The following STX8 variants were observed in gnomAD, a reference collection of about 807,000 sequenced individuals.
STX8 encodes the protein syntaxin 8.
STX8 carries 23 observed loss-of-function variants against 37.5 expected under a neutral mutation model. That is an observed-to-expected ratio of 0.61 (90% CI 0.44 to 0.87). STX8 has a LOEUF of 0.87. STX8 is among the 40% of genes least tolerant of loss of function. STX8 has a pLI of 0.00. For missense variants in STX8, 313 were observed against 284.7 expected, an observed-to-expected ratio of 1.10 and a Z score of -0.71; for synonymous variants, 115 against 99.1, an observed-to-expected ratio of 1.16 and a Z score of -0.95.
intron 7 of STX8, among the ~76,000 whole-genome samples, chr17:9,306,752 G>T (rs955000203): frequency 6.6e-6 from 1 of 151,966 alleles, no homozygotes; most frequent in Non-Finnish European, 1.5e-5. Flanking sequence ...GCAACCAAGC[G>T]AGACTCTGTC....
chr17:9,390,303 CCT>C, intron 6 of STX8, among the ~76,000 whole-genome samples: 1 of 151,944 alleles, frequency 6.6e-6, no homozygotes, highest in East Asian at 1.9e-4. Context: ...GGGCGGATCA[CCT>C]GAGATCAGGA....
intron 7 of STX8, among the ~76,000 whole-genome samples, chr17:9,257,897 G>A (rs916724874): frequency 1.3e-5 from 2 of 152,232 alleles, no homozygotes; most frequent in Non-Finnish European, 2.9e-5. Context: ...GCTGAGGCTG[G>A]AGAATCACTT....
In STX8 at chr17:9,381,908, G is replaced by A. The variant is rs570924812; in HGVS notation, c.542-3255C>T. Among the ~76,000 whole-genome samples, 11 of 152,298 alleles carry A rather than the reference G, an allele frequency of 7.2e-5. No individual in the cohort carries two copies. The East Asian group carries it at 2.1e-3, about 29-fold the overall frequency. On this transcript the variant is annotated intron_variant, in intron 6 of 7. Transcript: ENST00000306357. ...TGCTTGAACCCAGGAGGTGGAGGTT[G>A]CAGTGAGGTGAGATCGCATCACTGT...
chr17:9,575,481 T>A (rs1165583841), intron 1 of STX8, among the ~76,000 whole-genome samples: 2 of 152,176 alleles, frequency 1.3e-5, no homozygotes, highest in African/African-American at 4.8e-5. Context: ...ACCAGCCAGC[T>A]AGCTCCAAAA....
At chr17:9,265,488 C>G (rs568770756) in intron 7 of STX8, among the ~76,000 whole-genome samples, 13 of 152,386 alleles carry the variant, frequency 8.5e-5, no homozygotes, top group Non-Finnish European at 1.9e-4. Flanking sequence ...CACAGTGCTT[C>G]TAACAAGAGC....
chr17:9,350,734 T>C (rs754117789), intron 7 of STX8, among the ~76,000 whole-genome samples: 9 of 152,110 alleles, frequency 5.9e-5, no homozygotes, highest in Admixed American at 1.3e-4. Flanking sequence ...GGCTTCACCA[T>C]GTTGGCCAGG....
intron 7 of STX8, among the ~76,000 whole-genome samples, chr17:9,339,070 C>CAAAAAAAAAAAAAAAAAAAAA (rs34987749): frequency 1.3e-4 from 9 of 70,022 alleles, no homozygotes; most frequent in African/African-American, 5.2e-4. Context: ...GACTCCGTCT[C>CAAAAAAAAAAAAAAAAAAAAA]AAAAAAAAAA....
chr17:9,465,460 T>C (rs931684247), intron 6 of STX8, among the ~76,000 whole-genome samples: 5 of 152,238 alleles, frequency 3.3e-5, no homozygotes, highest in Admixed American at 2.6e-4. Context: ...GAACCCTGAC[T>C]AGCCAATCAA....
intron 6 of STX8, among the ~76,000 whole-genome samples, chr17:9,437,081 C>A (rs1456509793): frequency 6.6e-6 from 1 of 152,188 alleles, no homozygotes; most frequent in Non-Finnish European, 1.5e-5. Context: ...TGGAGAAATA[C>A]AATGAAACCA....
rs1460006315 is a variant in STX8 at position 9,264,836 on chromosome 17, A to G, written c.644-14191T>C. ...TAAAGAAGATGAGAAAAGAAAGGCC[A>G]GGTGCAGTGGCTCACGCCTGTAATC... is the stretch of plus-strand genomic sequence containing the variant. On this transcript the variant is annotated intron_variant, in intron 7 of 7. Coordinates refer to ENST00000306357, the MANE Select transcript of STX8 (RefSeq NM_004853.3). Among the ~76,000 whole-genome samples, 4 of 152,130 alleles carry G rather than the reference A, an allele frequency of 2.6e-5. No individual in the cohort carries two copies. In the East Asian group the frequency reaches 7.8e-4, roughly 30 times the overall value.
intron 4 of STX8, among the ~76,000 whole-genome samples, chr17:9,506,721 G>A (rs911258563): frequency 2.0e-5 from 3 of 152,078 alleles, no homozygotes; most frequent in Admixed American, 6.5e-5. Flanking sequence ...CCCAGTCCTT[G>A]CAAGTTCTGA....
At chr17:9,391,841 C>T (rs372584222) in intron 6 of STX8, among the ~76,000 whole-genome samples, 1 of 152,116 alleles carries the variant, frequency 6.6e-6, no homozygotes, top group African/African-American at 2.4e-5. Context: ...CAAAATGCAC[C>T]AGGAAGATCA....
At chr17:9,321,493 A>G (rs953580611) in intron 7 of STX8, among the ~76,000 whole-genome samples, 1 of 151,972 alleles carries the variant, frequency 6.6e-6, no homozygotes. Context: ...TAGAAAAAGA[A>G]AAAAAATAAC....
chr17:9,338,713 A>T (rs12943358), intron 7 of STX8, among the ~76,000 whole-genome samples: 1 of 152,106 alleles, frequency 6.6e-6, no homozygotes, highest in Non-Finnish European at 1.5e-5. Flanking sequence ...AATAAAATCA[A>T]TTTCCAAGGC....
intron 7 of STX8, among the ~76,000 whole-genome samples, chr17:9,268,459 C>A (rs1207510054): frequency 6.6e-6 from 1 of 152,172 alleles, no homozygotes; most frequent in African/African-American, 2.4e-5. Context: ...GGTATGCAAA[C>A]AGGAGTATTC....
rs981033193 is a variant in STX8 at position 9,480,658 on chromosome 17, G to A, written c.541+11171C>T. Among the ~76,000 whole-genome samples, 13 of 152,278 alleles carry A rather than the reference G, an allele frequency of 8.5e-5. No individual in the cohort carries two copies. In the East Asian group the frequency reaches 2.3e-3, roughly 27 times the overall value. On this transcript the variant is annotated intron_variant, in intron 6 of 7. Transcript: ENST00000306357. Reference sequence around the variant, plus strand: ...ATTCTGGTCCAAAATTCTCTGAGACGAAGCAACTTGCAAGTTTATTTATGA... The same window carrying A: ...ATTCTGGTCCAAAATTCTCTGAGACAAAGCAACTTGCAAGTTTATTTATGA...
intron 7 of STX8, among the ~76,000 whole-genome samples, chr17:9,327,862 C>T (rs181110232): frequency 1.8e-3 from 271 of 151,866 alleles, no homozygotes; most frequent in African/African-American, 6.3e-3. Context: ...TCCTTCCTCC[C>T]TTCCTCTCTT....
chr17:9,568,721 C>G (rs1017320531), intron 1 of STX8, among the ~76,000 whole-genome samples: 4 of 152,146 alleles, frequency 2.6e-5, no homozygotes, highest in African/African-American at 9.7e-5. Context: ...AAGATGGTCT[C>G]GATCTCCTGA....
Position 9,288,143 on chromosome 17 carries a change from A to AC in STX8, c.644-37499_644-37498insG, listed in dbSNP as rs1287366008. On this transcript the variant is annotated intron_variant, in intron 7 of 7. Coordinates refer to ENST00000306357, the MANE Select transcript of STX8 (RefSeq NM_004853.3). ...GCAAAACAAACAAACAAACAAACAA[A>AC]AAAAAAAAAAACCAAAAACAAAAAA... 2.7e-3 allele frequency among the ~76,000 whole-genome samples: 66 copies of AC among 24,502 alleles called. 1 individual carries two copies. The highest frequency in any genetic ancestry group is 3.8e-3 in the Non-Finnish European group (45 of 11,882). The allele number at this position is 24,502 out of a possible 152,430, so 16.1% of individuals were successfully genotyped here.
Sources: allele counts gnomAD v4.1 joint callset (sites outside exome capture counted in the v4.1 genomes callset), GRCh38; gene constraint gnomAD v4.1.1; transcripts MANE v1.5; gene names NCBI Gene and HGNC (gene_info 2026-07-23, HGNC 2026-07-21).